The following SHTN1 variants were observed in gnomAD, a reference collection of about 807,000 sequenced individuals.
The protein encoded by SHTN1 is shootin-1.
A neutral mutation model predicts 83.1 loss-of-function variants in SHTN1; 42 were observed. That is an observed-to-expected ratio of 0.51 (90% CI 0.39 to 0.65). The LOEUF (loss-of-function observed/expected upper bound fraction) is 0.65. SHTN1 is among the 30% of genes least tolerant of loss of function. The pLI, the probability that SHTN1 is intolerant of heterozygous loss-of-function variation, is 0.00. For missense variants in SHTN1, 622 were observed against 737.8 expected (o/e 0.84, Z 1.82); for synonymous variants, 224 against 247.7 (o/e 0.90, Z 0.90).
intron 3 of SHTN1, among the ~76,000 whole-genome samples, chr10:116,964,666 T>C (rs1589849707): frequency 6.6e-6 from 1 of 152,326 alleles, no homozygotes; most frequent in East Asian, 1.9e-4. Context: ...AACAGATTAA[T>C]GGATCTAATA....
In SHTN1 at chr10:117,089,126, G is replaced by A. The variant is rs74159037; in HGVS notation, c.-189+37181C>T. On this transcript the variant is annotated intron_variant, in intron 1 of 17. Coordinates refer to the SHTN1 transcript ENST00000392901. ...CAGTTCTAGACAACACAAAACTATA[G>A]TGAGAAAAAACAGATCAGTGGCTGT... Among the ~76,000 whole-genome samples, 425 of 152,232 alleles carry A rather than the reference G, an allele frequency of 2.8e-3. 2 individuals are homozygous for A. The highest frequency in any genetic ancestry group is 9.8e-3 in the African/African-American group (408 of 41,544).
intron 14 of SHTN1, 68 bp downstream of exon 14, chr10:116,911,722 A>C (rs577644934): frequency 5.0e-5 from 79 of 1,581,060 alleles, no homozygotes; most frequent in Non-Finnish European, 6.3e-5. Context: ...ATTCACAAAA[A>C]ACAGATTTTA....
chr10:116,986,021 A>C (rs1036549986), intron 1 of SHTN1, among the ~76,000 whole-genome samples: 1 of 152,244 alleles, frequency 6.6e-6, no homozygotes, highest in Non-Finnish European at 1.5e-5. Flanking sequence ...CCAGAAATTT[A>C]TTCATTACAT....
At chr10:116,980,793 G>A (rs948584388) in intron 1 of SHTN1, among the ~76,000 whole-genome samples, 14 of 152,104 alleles carry the variant, frequency 9.2e-5, no homozygotes, top group Non-Finnish European at 1.9e-4. Context: ...TATGGTGATC[G>A]AAAGGGTTCA....
intron 2 of SHTN1, among the ~76,000 whole-genome samples, chr10:117,026,664 C>T (rs1852337011): frequency 6.6e-6 from 1 of 152,040 alleles, no homozygotes; most frequent in Non-Finnish European, 1.5e-5. Flanking sequence ...TCAAGTGATC[C>T]ACCTGCCTAA....
intron 16 of SHTN1, chr10:116,900,355 G>A: frequency 1.7e-6 from 1 of 603,826 alleles, no homozygotes; most frequent in Non-Finnish European, 2.9e-6. Context: ...CTGCCTTTAT[G>A]GCATCTAACA....
chr10:116,891,084 T>A (rs1847329836), intron 16 of SHTN1, among the ~76,000 whole-genome samples: 1 of 152,174 alleles, frequency 6.6e-6, no homozygotes, highest in Admixed American at 6.5e-5. Context: ...GCTCATGAAA[T>A]GAAGGGGGAA....
At chr10:117,004,875 T>C (rs1191324569) in intron 1 of SHTN1, 147 bp downstream of exon 1, 11 of 641,378 alleles carry the variant, frequency 1.7e-5, no homozygotes, top group Non-Finnish European at 2.5e-5. Context: ...CGGAGGACGC[T>C]TCTCTGCGGG....
chr10:116,942,718 T>A (rs1849429501), intron 8 of SHTN1, among the ~76,000 whole-genome samples: 1 of 152,228 alleles, frequency 6.6e-6, no homozygotes, highest in Admixed American at 6.5e-5. Context: ...TACTCCTTTT[T>A]AATTAAAAAT....
At chr10:116,984,870 C>T (rs1378975171) in intron 1 of SHTN1, among the ~76,000 whole-genome samples, 1 of 152,200 alleles carries the variant, frequency 6.6e-6, no homozygotes, top group Non-Finnish European at 1.5e-5. Context: ...AAAGGCCACA[C>T]CCAAAGTCCC....
intron 2 of SHTN1, among the ~76,000 whole-genome samples, chr10:117,037,864 G>T (rs894823368): frequency 6.6e-6 from 1 of 151,210 alleles, no homozygotes; most frequent in Non-Finnish European, 1.5e-5. Context: ...AAATTAGCTG[G>T]GTGTGGTGGC....
intron 1 of SHTN1, among the ~76,000 whole-genome samples, chr10:117,122,458 T>G (rs989369232): frequency 6.6e-6 from 1 of 152,176 alleles, no homozygotes; most frequent in Admixed American, 6.5e-5. Flanking sequence ...GGATTACTTG[T>G]GTGAGCCACT....
At chr10:117,075,432 CG>C (rs1853138330) in intron 1 of SHTN1, among the ~76,000 whole-genome samples, 1 of 152,140 alleles carries the variant, frequency 6.6e-6, no homozygotes, top group South Asian at 2.1e-4. Context: ...AAATAAATAC[CG>C]GGCAAATTCT....
chr10:117,085,435 T>TATTTGGAG (rs1706608372), intron 1 of SHTN1, among the ~76,000 whole-genome samples: 1 of 152,226 alleles, frequency 6.6e-6, no homozygotes, highest in African/African-American at 2.4e-5. Context: ...AATCTCCAAA[T>TATTTGGAG]ATTTGGGTAT....
chr10:116,979,843 T>C (rs1850950955), intron 1 of SHTN1, among the ~76,000 whole-genome samples: 2 of 152,108 alleles, frequency 1.3e-5, no homozygotes, highest in Non-Finnish European at 2.9e-5. Context: ...GAAAGTAGAG[T>C]AGGTTTGCAC....
rs983416322 is a variant in SHTN1, at chr10:116,885,179, GA to G, written c.*1164del. ...CTATCATTTTCTTTTGCCCTTAGGTGAAAAACACCTGACAGCTACATGCTGA... is the reference window on the plus strand; with the variant it reads ...CTATCATTTTCTTTTGCCCTTAGGTGAAAACACCTGACAGCTACATGCTGA... On this transcript the variant is annotated 3_prime_UTR_variant, in exon 17 of 17. Coordinates refer to ENST00000355371, the MANE Select transcript of SHTN1 (RefSeq NM_001127211.3). 7.7e-4 allele frequency: 118 copies of G among 152,704 alleles called. No homozygotes were observed. The highest frequency in any genetic ancestry group is 2.8e-3 in the African/African-American group (115 of 41,556). 9.5% of individuals were successfully genotyped at this position (152,704 alleles called of 1,614,324 possible). A position where few individuals can be genotyped will look rare whatever the true frequency, so the allele number is the denominator to read the frequency against.
At chr10:116,905,150 C>T (rs1847916237) in intron 15 of SHTN1, among the ~76,000 whole-genome samples, 2 of 146,520 alleles carry the variant, frequency 1.4e-5, no homozygotes, top group Non-Finnish European at 3.0e-5. Context: ...TGCAGTGAGC[C>T]GAGATTGCGC....
At chr10:117,112,884 T>C (rs1239340220) in intron 1 of SHTN1, among the ~76,000 whole-genome samples, 1 of 152,244 alleles carries the variant, frequency 6.6e-6, no homozygotes, top group Non-Finnish European at 1.5e-5. Context: ...TCAACCAGTT[T>C]TGATCGTTGA....
intron 1 of SHTN1, among the ~76,000 whole-genome samples, chr10:116,999,906 CTG>C (rs1209330947): frequency 6.6e-6 from 1 of 151,876 alleles, no homozygotes; most frequent in Admixed American, 6.6e-5. Flanking sequence ...GAGTGAGACT[CTG>C]TCTCAAATAA....
Sources: gnomAD v4.1 joint callset for allele counts (sites outside exome capture counted in the v4.1 genomes callset) on GRCh38, gnomAD v4.1.1 for gene constraint, MANE v1.5 for transcripts, NCBI Gene and HGNC (gene_info 2026-07-23, HGNC 2026-07-21) for gene names.